FRS2: variants seen among roughly 807,000 people sequenced by gnomAD.
The protein encoded by FRS2 is fibroblast growth factor receptor substrate 2.
Under a neutral mutation model 43.9 loss-of-function variants are expected in FRS2, and 8 were observed. That is an observed-to-expected ratio of 0.18 (90% confidence interval 0.11 to 0.33). The LOEUF (loss-of-function observed/expected upper bound fraction) is 0.33. Among genes scored for constraint, FRS2 ranks in the 10% least tolerant of loss-of-function variants. The pLI, the probability that FRS2 is intolerant of heterozygous loss-of-function variation, is 1.00. For missense variants in FRS2, 534 were observed against 627.6 expected (o/e 0.85, Z 1.59); for synonymous variants, 219 against 220.3 (o/e 0.99, Z 0.05).
At chr12:69,562,586 C>T (rs1282412373) in intron 4 of FRS2, among the ~76,000 whole-genome samples, 1 of 152,200 alleles carries the variant, frequency 6.6e-6, no homozygotes, top group Non-Finnish European at 1.5e-5. Context: ...TTAACTAAGA[C>T]ATGTTTACTA....
chr12:69,494,883 CCT>C (rs1389952991), intron 1 of FRS2, among the ~76,000 whole-genome samples: 12 of 152,090 alleles, frequency 7.9e-5, no homozygotes, highest in African/African-American at 2.9e-4. Context: ...AAGTGATTCC[CCT>C]GTCTCAACCT....
At chr12:69,523,318 C>G (rs373000552) in intron 1 of FRS2, among the ~76,000 whole-genome samples, 2 of 152,136 alleles carry the variant, frequency 1.3e-5, no homozygotes, top group African/African-American at 4.8e-5. Flanking sequence ...TGAATTGAAC[C>G]TTTTACCGTT....
intron 3 of FRS2, among the ~76,000 whole-genome samples, chr12:69,557,380 G>A (rs994196075): frequency 9.2e-5 from 14 of 152,102 alleles, no homozygotes; most frequent in African/African-American, 9.7e-5. Context: ...AATGATAATC[G>A]TTTTCTAGAG....
chr12:69,524,724 G>C (rs1430580732), intron 1 of FRS2, among the ~76,000 whole-genome samples: 1 of 152,170 alleles, frequency 6.6e-6, no homozygotes, highest in Non-Finnish European at 1.5e-5. Context: ...TTCCACTACA[G>C]AGGCTGCAGC....
At chr12:69,503,338 G>A (rs902330674) in intron 1 of FRS2, among the ~76,000 whole-genome samples, 1 of 152,098 alleles carries the variant, frequency 6.6e-6, no homozygotes, top group Non-Finnish European at 1.5e-5. Flanking sequence ...ACGTTTGAAG[G>A]ATTTTTGAGG....
At chr12:69,508,946 GCAAATATTTTTCA>G (rs1874208930) in intron 1 of FRS2, among the ~76,000 whole-genome samples, 1 of 152,068 alleles carries the variant, frequency 6.6e-6, no homozygotes, top group African/African-American at 2.4e-5. Context: ...TTAAGACTAT[GCAAATATTTTTCA>G]CAACTGAGTC....
In FRS2 at chr12:69,570,287, C is replaced by T. The variant is rs375603679; in HGVS notation, c.67-44C>T. 6.2e-5 allele frequency: 87 copies of T among 1,397,836 alleles called. No homozygotes were observed. In the East Asian group the frequency reaches 1.3e-3, roughly 22 times the overall value. 86.6% of individuals were successfully genotyped at this position (1,397,836 alleles called of 1,614,324 possible). On this transcript the variant is annotated intron_variant, in intron 5 of 8. Transcript: ENST00000549921. ...AATTAGCAACAATGCATTTTCCTGACGAATTGGTGACATATTTGCATGACT... is the reference window on the plus strand; with the variant it reads ...AATTAGCAACAATGCATTTTCCTGATGAATTGGTGACATATTTGCATGACT...
intron 1 of FRS2, among the ~76,000 whole-genome samples, chr12:69,521,849 C>T (rs1289890977): frequency 6.6e-6 from 1 of 152,098 alleles, no homozygotes; most frequent in African/African-American, 2.4e-5. Context: ...CTCCTGACCT[C>T]GTGATCCACC....
At chr12:69,498,998 A>C (rs1873185596) in intron 1 of FRS2, among the ~76,000 whole-genome samples, 1 of 152,194 alleles carries the variant, frequency 6.6e-6, no homozygotes, top group East Asian at 1.9e-4. Context: ...TCTGGAGGTT[A>C]AATTACTTTT....
At chr12:69,570,294 G>T (rs576010544) in intron 5 of FRS2, 37 bp from the exon 6 acceptor site, 9 of 1,462,306 alleles carry the variant, frequency 6.2e-6, no homozygotes, top group Non-Finnish European at 7.7e-6. Flanking sequence ...TGACGAATTG[G>T]TGACATATTT....
intron 3 of FRS2, among the ~76,000 whole-genome samples, chr12:69,547,665 C>T (rs954572649): frequency 6.6e-6 from 1 of 152,068 alleles, no homozygotes; most frequent in African/African-American, 2.4e-5. Context: ...TTTCAGAACT[C>T]CTTATTCCCT....
chr12:69,475,975 T>A (rs1870728306), intron 1 of FRS2, among the ~76,000 whole-genome samples: 1 of 152,206 alleles, frequency 6.6e-6, no homozygotes, highest in African/African-American at 2.4e-5. Context: ...AGTTTTTGTT[T>A]TTGTTTTTTA....
chr12:69,571,102 G>A (rs1208371485), intron 6 of FRS2, among the ~76,000 whole-genome samples, 174 bp from the exon 7 acceptor site: 3 of 152,034 alleles, frequency 2.0e-5, no homozygotes, highest in African/African-American at 4.8e-5. Context: ...AACTTTTGGC[G>A]GGGGTTTGTT....
At chr12:69,530,186 A>G (rs1276562707) in intron 1 of FRS2, among the ~76,000 whole-genome samples, 1 of 146,578 alleles carries the variant, frequency 6.8e-6, no homozygotes, top group East Asian at 1.9e-4. Flanking sequence ...ATAATTGCTT[A>G]CAACAATTAA....
chr12:69,574,432 A>G lies in FRS2; in HGVS notation c.1004A>G (p.Asn335Ser). The change falls in exon 9 of 9, where the codon AAT becomes AGT. Residue 335 changes from asparagine to serine, a missense_variant. Physicochemically the swap from Asn to Ser is conservative, Grantham distance 46. Transcript: ENST00000549921. ...LTSTSTSDTQ[N>S]INNSAQRRTA... ...TCCACCAGTACCTCAGATACCCAGA[A>G]TATCAACAACTCAGCTCAGAGAAGA... 6.2e-7 allele frequency: 1 copy of G among 1,614,110 alleles called. No individual in the cohort carries two copies. The highest frequency in any genetic ancestry group is 8.5e-7 in the Non-Finnish European group (1 of 1,179,950).
intron 1 of FRS2, among the ~76,000 whole-genome samples, chr12:69,484,450 C>T (rs947474435): frequency 1.3e-5 from 2 of 152,184 alleles, no homozygotes; most frequent in African/African-American, 4.8e-5. Flanking sequence ...ATCACCACAT[C>T]CTTCTCTTTA....
At chr12:69,569,355 G>T (rs1045965113) in intron 5 of FRS2, among the ~76,000 whole-genome samples, 1 of 151,974 alleles carries the variant, frequency 6.6e-6, no homozygotes, top group African/African-American at 2.4e-5. Flanking sequence ...ATTTTACGGG[G>T]TGCCTTTTCA....
intron 3 of FRS2, among the ~76,000 whole-genome samples, chr12:69,550,398 G>A (rs1463463051): frequency 6.6e-6 from 1 of 152,186 alleles, no homozygotes; most frequent in East Asian, 1.9e-4. Context: ...TGTAGGGAGT[G>A]TTGGTAGGAA....
intron 3 of FRS2, among the ~76,000 whole-genome samples, chr12:69,537,184 T>C (rs1290843999): frequency 6.6e-6 from 1 of 152,212 alleles, no homozygotes; most frequent in Non-Finnish European, 1.5e-5. Flanking sequence ...TTGTCTGTTA[T>C]CTTAGTTTTG....
Sources: gnomAD v4.1 joint callset for allele counts (sites outside exome capture counted in the v4.1 genomes callset) on GRCh38, gnomAD v4.1.1 for gene constraint, MANE v1.5 for transcripts, NCBI Gene and HGNC (gene_info 2026-07-23, HGNC 2026-07-21) for gene names.